Variants in MAGI2 observed in about 807,000 individuals in gnomAD.
MAGI2 encodes membrane-associated guanylate kinase, WW and PDZ domain-containing protein 2.
Under a neutral mutation model 133.3 loss-of-function variants are expected in MAGI2, and 35 were observed. The observed-to-expected ratio is 0.26, with a 90% CI of 0.20 to 0.35. MAGI2 has a LOEUF of 0.35. Among genes scored for constraint, MAGI2 ranks in the 10% least tolerant of loss-of-function variants. The pLI is 1.00. For missense variants in MAGI2, 1,636 were observed against 1,863.4 expected (o/e 0.88, Z 2.25); for synonymous variants, 729 against 710.6 (o/e 1.03, Z -0.41).
At chr7:79,148,848 T>A (rs1050061978) in intron 1 of MAGI2, among the ~76,000 whole-genome samples, 2 of 142,844 alleles carry the variant, frequency 1.4e-5, no homozygotes, top group South Asian at 2.1e-4. Flanking sequence ...TATGTATGTT[T>A]TATATATATA....
chr7:78,456,932 T>C (rs986536521), intron 6 of MAGI2: 2 of 152,206 alleles, frequency 1.3e-5, no homozygotes, highest in Non-Finnish European at 1.5e-5. Context: ...ACAGGGAACA[T>C]CAACCAATGT....
At chr7:78,722,342 A>G (rs973465126) in intron 2 of MAGI2, among the ~76,000 whole-genome samples, 7 of 152,002 alleles carry the variant, frequency 4.6e-5, no homozygotes, top group Admixed American at 2.0e-4. Context: ...TAGCACAACA[A>G]TTTTAACCCA....
At chr7:79,375,816 T>C (rs1277659740) in intron 1 of MAGI2, among the ~76,000 whole-genome samples, 2 of 151,902 alleles carry the variant, frequency 1.3e-5, no homozygotes, top group Non-Finnish European at 2.9e-5. Context: ...ATAGAACATA[T>C]AAGCAGATAG....
intron 3 of MAGI2, among the ~76,000 whole-genome samples, chr7:78,599,224 C>T (rs1320302131): frequency 2.0e-5 from 3 of 152,246 alleles, no homozygotes; most frequent in Middle Eastern, 3.4e-3. Context: ...TATTTCCTAC[C>T]TTTTCATTAC....
intron 1 of MAGI2, among the ~76,000 whole-genome samples, chr7:79,310,406 G>C (rs574590525): frequency 1.3e-5 from 2 of 152,044 alleles, no homozygotes; most frequent in Non-Finnish European, 2.9e-5. Flanking sequence ...CACCAGGAAA[G>C]CTTGCTAAAC....
At chr7:78,801,076 G>C (rs1788019375) in intron 2 of MAGI2, among the ~76,000 whole-genome samples, 2 of 152,066 alleles carry the variant, frequency 1.3e-5, no homozygotes, top group Admixed American at 1.3e-4. Flanking sequence ...GAGGATGTTT[G>C]ATCATATTTG....
chr7:78,901,318 C>A (rs530480350), intron 2 of MAGI2: 1 of 152,046 alleles, frequency 6.6e-6, no homozygotes, highest in Admixed American at 6.5e-5. Flanking sequence ...GTTTATAAAG[C>A]AGACAATATT....
At chr7:78,739,153 T>C (rs911248479) in intron 2 of MAGI2, among the ~76,000 whole-genome samples, 4 of 152,176 alleles carry the variant, frequency 2.6e-5, no homozygotes, top group Admixed American at 1.3e-4. Context: ...AGTGAATTTA[T>C]ATATGGAATT....
At chr7:78,960,564 G>C (rs1562719893) in intron 2 of MAGI2, among the ~76,000 whole-genome samples, 1 of 152,058 alleles carries the variant, frequency 6.6e-6, no homozygotes, top group Admixed American at 6.6e-5. Flanking sequence ...TAAAATGATG[G>C]TACTATTAAT....
chr7:78,748,069 GCTT>G lies in MAGI2; in HGVS notation c.419-120833_419-120831del, dbSNP rs557191173. On this transcript the variant is annotated intron_variant, in intron 2 of 21. Transcript: ENST00000354212. ...TTCTTTTAACATCAGCTTTTAACCAGCTTCACAAAAGAGACCATACTAATTACC... is the reference window on the plus strand; with the variant it reads ...TTCTTTTAACATCAGCTTTTAACCAGCACAAAAGAGACCATACTAATTACC... 9.0e-4 allele frequency among the ~76,000 whole-genome samples: 136 copies of G among 151,886 alleles called. 1 individual carries two copies. Among genetic ancestry groups the G allele is most frequent in the African/African-American group, 3.1e-3 (127 of 41,402 alleles).
chr7:78,721,056 G>T (rs1358427031), intron 2 of MAGI2, among the ~76,000 whole-genome samples: 1 of 151,946 alleles, frequency 6.6e-6, no homozygotes, highest in Non-Finnish European at 1.5e-5. Context: ...CGTTTAAAAA[G>T]CTAACATCTA....
intron 2 of MAGI2, among the ~76,000 whole-genome samples, chr7:79,002,577 G>T (rs1806985824): frequency 6.6e-6 from 1 of 151,922 alleles, no homozygotes. Flanking sequence ...TAGTACGATA[G>T]TAGGATAGTG....
intron 1 of MAGI2, among the ~76,000 whole-genome samples, chr7:79,088,986 A>G (rs1022382399): frequency 2.6e-5 from 4 of 152,146 alleles, no homozygotes; most frequent in Admixed American, 2.0e-4. Flanking sequence ...CTAAAGAAAA[A>G]GAAACTCGCA....
intron 9 of MAGI2, among the ~76,000 whole-genome samples, chr7:78,274,635 G>A (rs1794888143): frequency 6.6e-6 from 1 of 151,904 alleles, no homozygotes; most frequent in African/African-American, 2.4e-5. Context: ...GAGATGCCCT[G>A]CCCAGAGTTG....
In MAGI2 at chr7:79,024,313, A is replaced by G. The variant is rs140764079; in HGVS notation, c.302-17107T>C. Among the ~76,000 whole-genome samples, 127 of 152,250 alleles carry G rather than the reference A, an allele frequency of 8.3e-4. No homozygotes were observed. In the East Asian group the frequency reaches 0.019, roughly 23 times the overall value. ...GATTGATACCGGACCCCTTCCTTAC[A>G]CCATATACAAAAATTAACTCAAGAT... On this transcript the variant is annotated intron_variant, in intron 1 of 21. Coordinates refer to ENST00000354212, the MANE Select transcript of MAGI2 (RefSeq NM_012301.4).
At chr7:79,243,946 T>C (rs1188753679) in intron 1 of MAGI2, among the ~76,000 whole-genome samples, 3 of 152,184 alleles carry the variant, frequency 2.0e-5, no homozygotes, top group African/African-American at 7.2e-5. Flanking sequence ...TTTATCCCTG[T>C]CATAGTTCTT....
chr7:79,315,364 G>A (rs1440618014), intron 1 of MAGI2, among the ~76,000 whole-genome samples: 10 of 147,532 alleles, frequency 6.8e-5, no homozygotes, highest in African/African-American at 7.6e-5. Context: ...TAGTAGAGAC[G>A]GGGTTTCACC....
chr7:78,720,658 G>A (rs1436662532), intron 2 of MAGI2, among the ~76,000 whole-genome samples: 3 of 152,008 alleles, frequency 2.0e-5, no homozygotes, highest in Admixed American at 6.6e-5. Flanking sequence ...TACAGCTGTC[G>A]TGGGAAAAGA....
intron 9 of MAGI2, among the ~76,000 whole-genome samples, chr7:78,296,118 C>T (rs963746554): frequency 2.6e-5 from 4 of 152,122 alleles, no homozygotes; most frequent in Admixed American, 6.5e-5. Flanking sequence ...CCCAGAGAGT[C>T]CATTGTCAAT....
Sources: gnomAD v4.1 joint callset for allele counts (sites outside exome capture counted in the v4.1 genomes callset) on GRCh38, gnomAD v4.1.1 for gene constraint, MANE v1.5 for transcripts, NCBI Gene and HGNC (gene_info 2026-07-23, HGNC 2026-07-21) for gene names.